OPCML: variants seen among roughly 807,000 people sequenced by gnomAD.
The protein encoded by OPCML is opioid binding protein/cell adhesion molecule like.
A neutral mutation model predicts 37.8 loss-of-function variants in OPCML; 13 were observed. The ratio of observed to expected loss-of-function variants is 0.34; its 90% CI spans 0.22 to 0.55. The LOEUF is 0.55. Ranked by LOEUF, OPCML falls within the 20% of genes least tolerant of loss-of-function variation. The pLI, the probability that OPCML is intolerant of heterozygous loss-of-function variation, is 0.91. For synonymous variants in OPCML, 176 were observed against 168.8 expected (o/e 1.04, Z -0.33); for missense variants, 341 against 435.6 (o/e 0.78, Z 1.93).
chr11:133,394,166 G>A (rs1342414035), intron 1 of OPCML, among the ~76,000 whole-genome samples: 1 of 152,182 alleles, frequency 6.6e-6, no homozygotes, highest in Non-Finnish European at 1.5e-5. Context: ...CTGGGCTTCT[G>A]GTCTCGCAGG....
intron 2 of OPCML, among the ~76,000 whole-genome samples, chr11:132,878,223 G>C (rs1355517360): frequency 1.3e-5 from 2 of 152,072 alleles, no homozygotes; most frequent in African/African-American, 4.8e-5. Flanking sequence ...GTTCTCTGAT[G>C]ATGGCTGCTG....
chr11:133,518,106 G>A (rs1019108179), intron 1 of OPCML, among the ~76,000 whole-genome samples: 17 of 152,092 alleles, frequency 1.1e-4, no homozygotes, highest in Non-Finnish European at 1.8e-4. Flanking sequence ...GTGTGCATAT[G>A]TATGTGTGGT....
chr11:132,718,674 G>T (rs1326715974), intron 2 of OPCML, among the ~76,000 whole-genome samples: 2 of 152,094 alleles, frequency 1.3e-5, no homozygotes, highest in East Asian at 3.9e-4. Context: ...TGCTTCTGGG[G>T]TCATCCCAGT....
At chr11:132,454,515 C>T (rs2096076549) in intron 4 of OPCML, among the ~76,000 whole-genome samples, 1 of 152,204 alleles carries the variant, frequency 6.6e-6, no homozygotes, top group Non-Finnish European at 1.5e-5. Context: ...TGCGGAGATG[C>T]TCCACTGCCT....
chr11:133,228,540 C>T (rs1408703036), intron 1 of OPCML, among the ~76,000 whole-genome samples: 1 of 152,252 alleles, frequency 6.6e-6, no homozygotes, highest in African/African-American at 2.4e-5. Flanking sequence ...GAGGTGCCCG[C>T]TGGTGCTCAA....
intron 1 of OPCML, among the ~76,000 whole-genome samples, chr11:133,249,767 G>T (rs1941065037): frequency 6.6e-6 from 1 of 152,208 alleles, no homozygotes; most frequent in African/African-American, 2.4e-5. Flanking sequence ...AGCATTAAGT[G>T]GTTCTATAGC....
chr11:133,024,913 A>G (rs1158402686), intron 1 of OPCML: 1 of 985,268 alleles, frequency 1.0e-6, no homozygotes, highest in Non-Finnish European at 1.2e-6. Flanking sequence ...TCTACAGCAT[A>G]CAAATTTGCA....
intron 4 of OPCML, among the ~76,000 whole-genome samples, chr11:132,464,885 C>T (rs568403043): frequency 2.5e-4 from 38 of 152,312 alleles, no homozygotes; most frequent in Middle Eastern, 3.4e-3. Context: ...ACCCTCTTCT[C>T]ATTCCCTTCC....
intron 2 of OPCML, among the ~76,000 whole-genome samples, chr11:132,719,035 C>T (rs977385490): frequency 6.6e-6 from 1 of 152,160 alleles, no homozygotes; most frequent in African/African-American, 2.4e-5. Context: ...GCAGCCCTCT[C>T]AAGGCTGACC....
chr11:132,662,184 A>G (rs1942003380), intron 2 of OPCML, among the ~76,000 whole-genome samples: 1 of 152,150 alleles, frequency 6.6e-6, no homozygotes, highest in Non-Finnish European at 1.5e-5. Context: ...CAGCCCCCAA[A>G]GAGCTTTTGG....
chr11:133,289,915 C>A (rs1453914114), intron 1 of OPCML, among the ~76,000 whole-genome samples: 3 of 152,124 alleles, frequency 2.0e-5, no homozygotes, highest in Non-Finnish European at 4.4e-5. Context: ...CGTCCATTTC[C>A]CCCCTGGGCT....
At chr11:132,534,277 A>T (rs79486638) in intron 3 of OPCML, among the ~76,000 whole-genome samples, 1,938 of 152,282 alleles carry the variant, frequency 0.013, 40 homozygotes, top group African/African-American at 0.039. Flanking sequence ...TCTTGTATAA[A>T]ACATACATAG....
intron 2 of OPCML, among the ~76,000 whole-genome samples, chr11:132,810,063 A>G (rs1440209345): frequency 6.6e-6 from 1 of 151,936 alleles, no homozygotes; most frequent in Non-Finnish European, 1.5e-5. Flanking sequence ...GTTGGCCAGG[A>G]TGGACTCGAA....
At chr11:133,380,951 T>A (rs753096364) in intron 1 of OPCML, among the ~76,000 whole-genome samples, 8 of 152,088 alleles carry the variant, frequency 5.3e-5, no homozygotes, top group Non-Finnish European at 8.8e-5. Flanking sequence ...ACCTAAGCTG[T>A]CTCTTCCAGA....
intron 4 of OPCML, among the ~76,000 whole-genome samples, chr11:132,512,537 C>T (rs1232344001): frequency 1.3e-5 from 2 of 151,872 alleles, no homozygotes; most frequent in African/African-American, 4.8e-5. Context: ...AAAAACCACA[C>T]ACAACATGAA....
chr11:133,504,420 G>A (rs902112050), intron 1 of OPCML, among the ~76,000 whole-genome samples: 11 of 152,204 alleles, frequency 7.2e-5, no homozygotes, highest in African/African-American at 2.7e-4. Context: ...TTCAAGGAAA[G>A]AATTAGAAAG....
At chr11:132,849,663 A>G (rs1188877012) in intron 2 of OPCML, among the ~76,000 whole-genome samples, 1 of 143,002 alleles carries the variant, frequency 7.0e-6, no homozygotes, top group Non-Finnish European at 1.6e-5. Context: ...AAGCCATGCA[A>G]CTATCTTGAG....
At chr11:133,204,836 A>G (rs1430866726) in intron 1 of OPCML, among the ~76,000 whole-genome samples, 1 of 141,190 alleles carries the variant, frequency 7.1e-6, no homozygotes, top group Non-Finnish European at 1.5e-5. Flanking sequence ...TACTTTTTGT[A>G]TTATTGTGAT....
chr11:133,108,590 C>T (rs1168444534), intron 1 of OPCML, among the ~76,000 whole-genome samples: 2 of 152,056 alleles, frequency 1.3e-5, no homozygotes, highest in African/African-American at 4.8e-5. Context: ...CACACACACA[C>T]GCACAGACAC....
Sources: gnomAD v4.1 joint callset for allele counts (sites outside exome capture counted in the v4.1 genomes callset) on GRCh38, gnomAD v4.1.1 for gene constraint, MANE v1.5 for transcripts, NCBI Gene and HGNC (gene_info 2026-07-23, HGNC 2026-07-21) for gene names.